C2orf49: variants seen among roughly 807,000 people sequenced by gnomAD.
The protein encoded by C2orf49 is tRNA splicing ligase complex subunit 2.
C2orf49 carries 11 observed loss-of-function variants against 20.6 expected under a neutral mutation model. The observed-to-expected ratio is 0.53, with a 90% CI of 0.34 to 0.88. The LOEUF (loss-of-function observed/expected upper bound fraction) is 0.88, where lower values mean the gene tolerates loss of function less well. Ranked by LOEUF, C2orf49 falls within the 40% of genes least tolerant of loss-of-function variation. The probability of loss-of-function intolerance (pLI) is 0.02; values close to 1 mark genes in which losing one functional copy is unlikely to be tolerated. For missense variants in C2orf49, 289 were observed against 274.2 expected (o/e 1.05, Z -0.38); for synonymous variants, 134 against 108.5 (o/e 1.24, Z -1.46).
chr2:105,351,340 A>G (rs572080520), downstream of C2orf49, among the ~76,000 whole-genome samples: 25 of 81,546 alleles, frequency 3.1e-4, no homozygotes, highest in African/African-American at 1.1e-3. Context: ...AAAAAAGGTT[A>G]TTTCTGTTTC....
chr2:105,384,506 G>A, the C2orf49 span, among the ~76,000 whole-genome samples: 2 of 151,684 alleles, frequency 1.3e-5, no homozygotes, highest in African/African-American at 4.8e-5. Context: ...GTTCTCCCCA[G>A]TTTTTTTTGG....
chr2:105,337,721 G>GGGGGGGGGGGGGGGGGGCC, intron 1 of C2orf49, 35 bp downstream of exon 1: 3 of 26,800 alleles, frequency 1.1e-4, no homozygotes, highest in Non-Finnish European at 2.0e-4. Context: ...GGGCGGGTGG[G>GGGGGGGGGGGGGGGGGGCC]CCTTCCCAGG....
chr2:105,371,487 C>A, the C2orf49 span, among the ~76,000 whole-genome samples: 1 of 151,826 alleles, frequency 6.6e-6, no homozygotes, highest in East Asian at 1.9e-4. Flanking sequence ...CAGCCTGCTG[C>A]CCTGTTCTAT....
At chr2:105,364,055 G>A in the C2orf49 span, among the ~76,000 whole-genome samples, 2 of 152,078 alleles carry the variant, frequency 1.3e-5, no homozygotes, top group Admixed American at 6.6e-5. Flanking sequence ...TCAGGAGTTC[G>A]AGACCAGCCT....
the C2orf49 span, among the ~76,000 whole-genome samples, chr2:105,355,239 G>A: frequency 6.6e-6 from 1 of 152,156 alleles, no homozygotes; most frequent in East Asian, 1.9e-4. Flanking sequence ...AAGGGAAAGG[G>A]GACACAGTGG....
intron 1 of C2orf49, among the ~76,000 whole-genome samples, chr2:105,338,348 G>A (rs540620738): frequency 1.2e-5 from 1 of 82,488 alleles, no homozygotes; most frequent in African/African-American, 3.7e-5. Flanking sequence ...TTTCCCCTTA[G>A]TACCCTATCT....
chr2:105,358,696 T>C, the C2orf49 span: 1 of 152,268 alleles, frequency 6.6e-6, no homozygotes, highest in African/African-American at 2.4e-5. Flanking sequence ...GTGGTTTATA[T>C]ACAAGTAATT....
chr2:105,380,875 A>G, the C2orf49 span, among the ~76,000 whole-genome samples: 1 of 152,252 alleles, frequency 6.6e-6, no homozygotes, highest in Admixed American at 6.5e-5. Flanking sequence ...TAAAATGTTG[A>G]TAAACATGTA....
At chr2:105,342,363 C>G (rs544753670) in intron 2 of C2orf49, among the ~76,000 whole-genome samples, 4 of 152,270 alleles carry the variant, frequency 2.6e-5, no homozygotes, top group African/African-American at 9.6e-5. Context: ...TGTCCAGTTA[C>G]GATTAGTTTA....
At chr2:105,372,923 C>G in the C2orf49 span, among the ~76,000 whole-genome samples, 6 of 152,208 alleles carry the variant, frequency 3.9e-5, no homozygotes, top group South Asian at 6.2e-4. Context: ...AGATTCTGCT[C>G]TCCTACATAA....
At chr2:105,375,227 G>T in the C2orf49 span, 1 of 152,046 alleles carries the variant, frequency 6.6e-6, no homozygotes, top group Non-Finnish European at 1.5e-5. Flanking sequence ...CTAGTTATTT[G>T]ATTTAGTGAT....
chr2:105,371,976 T>C, the C2orf49 span, among the ~76,000 whole-genome samples: 1 of 152,118 alleles, frequency 6.6e-6, no homozygotes, highest in Non-Finnish European at 1.5e-5. Flanking sequence ...CACATGATCT[T>C]AGAAGAGGCC....
chr2:105,380,547 C>T, the C2orf49 span, among the ~76,000 whole-genome samples: 1 of 152,286 alleles, frequency 6.6e-6, no homozygotes, highest in Middle Eastern at 3.4e-3. Context: ...TCTTTCCAAA[C>T]AGAAAAGCTC....
chr2:105,373,697 A>T, the C2orf49 span: 1 of 1,614,210 alleles, frequency 6.2e-7, no homozygotes, highest in Non-Finnish European at 8.5e-7. Context: ...CAGTGGAAAC[A>T]GGCTTCATGC....
At chr2:105,371,584 A>C in the C2orf49 span, among the ~76,000 whole-genome samples, 1 of 128,228 alleles carries the variant, frequency 7.8e-6, no homozygotes, top group African/African-American at 2.7e-5. Flanking sequence ...CTCCTTATGT[A>C]TGTATCTATG....
At chr2:105,357,154 T>C in the C2orf49 span, among the ~76,000 whole-genome samples, 2 of 152,166 alleles carry the variant, frequency 1.3e-5, no homozygotes, top group South Asian at 4.1e-4. Context: ...GTTCTTTTTT[T>C]CTCTCTCCTA....
chr2:105,342,767 T>C (rs1274091936), intron 2 of C2orf49, 81 bp from the exon 3 acceptor site: 2 of 1,425,262 alleles, frequency 1.4e-6, no homozygotes, highest in East Asian at 2.3e-5. Context: ...TTTTGTTTAC[T>C]GCTTATTTTA....
At chr2:105,340,460 G>C (rs896178077) in intron 2 of C2orf49, among the ~76,000 whole-genome samples, 9 of 152,162 alleles carry the variant, frequency 5.9e-5, no homozygotes, top group African/African-American at 1.7e-4. Flanking sequence ...GATGGCAGCA[G>C]CTTTGACTAC....
chr2:105,361,446 G>A, the C2orf49 span: 1 of 1,608,318 alleles, frequency 6.2e-7, no homozygotes, highest in Non-Finnish European at 8.5e-7. Context: ...TGTTAACAGA[G>A]AGAAAATAAT....
Sources: allele counts gnomAD v4.1 joint callset (sites outside exome capture counted in the v4.1 genomes callset), GRCh38; gene constraint gnomAD v4.1.1; transcripts MANE v1.5; gene names NCBI Gene and HGNC (gene_info 2026-07-23, HGNC 2026-07-21).